Variants in DSTN observed in about 807,000 individuals in gnomAD.
The protein encoded by DSTN is destrin, actin depolymerizing factor, also known as destrin.
DSTN carries 10 observed loss-of-function variants against 16.8 expected under a neutral mutation model. The observed-to-expected ratio is 0.60, with a 90% CI of 0.37 to 1.01. DSTN has a LOEUF of 1.01. Ranked by LOEUF, DSTN falls within the 50% of genes least tolerant of loss-of-function variation. The pLI, the probability that DSTN is intolerant of heterozygous loss-of-function variation, is 0.01. For synonymous variants in DSTN, 57 were observed against 58.9 expected (o/e 0.97, Z 0.14); for missense variants, 141 against 196.7 (o/e 0.72, Z 1.69).
intron 1 of DSTN, among the ~76,000 whole-genome samples, chr20:17,580,681 G>A (rs1240220254): frequency 1.3e-5 from 2 of 152,008 alleles, no homozygotes; most frequent in Non-Finnish European, 2.9e-5. Context: ...CCGGGAGGCG[G>A]AGGTTGCAGT....
chr20:17,598,450 C>G (rs920996694), intron 1 of DSTN, among the ~76,000 whole-genome samples: 1 of 152,118 alleles, frequency 6.6e-6, no homozygotes, highest in African/African-American at 2.4e-5. Context: ...ATTTGCTTTT[C>G]CCTAATCACT....
intron 1 of DSTN, among the ~76,000 whole-genome samples, chr20:17,592,686 A>G (rs2035482750): frequency 6.6e-6 from 1 of 152,138 alleles, no homozygotes; most frequent in African/African-American, 2.4e-5. Flanking sequence ...TACTACTCTA[A>G]TATCAAAGCC....
At chr20:17,593,915 C>CAA (rs34372890) in intron 1 of DSTN, among the ~76,000 whole-genome samples, 1 of 150,980 alleles carries the variant, frequency 6.6e-6, no homozygotes. Flanking sequence ...CTTGTCTCTA[C>CAA]AAAAAAAATT....
intron 2 of DSTN, among the ~76,000 whole-genome samples, chr20:17,603,586 G>T (rs1021427786): frequency 6.6e-6 from 1 of 152,132 alleles, no homozygotes; most frequent in Non-Finnish European, 1.5e-5. Flanking sequence ...GGACCTCCGT[G>T]CAAGCAGTCT....
Position 17,584,966 on chromosome 20 carries a change from T to G in DSTN, c.3+14755T>G, listed in dbSNP as rs6136138. Among the ~76,000 whole-genome samples, 885 of 152,360 alleles carry G rather than the reference T, an allele frequency of 5.8e-3. 23 individuals carry two copies. In the East Asian group the frequency reaches 0.08, roughly 14 times the overall value. On this transcript the variant is annotated intron_variant, in intron 1 of 3. Coordinates refer to ENST00000246069, the MANE Select transcript of DSTN (RefSeq NM_006870.4). ...TTTGCAGTTCTCCTGTTTTTATTTCTTTGGGCTGTCTGTTTTTTTAGTATT... is the reference window on the plus strand; with the variant it reads ...TTTGCAGTTCTCCTGTTTTTATTTCGTTGGGCTGTCTGTTTTTTTAGTATT...
chr20:17,577,541 T>C (rs1416388030), intron 1 of DSTN, among the ~76,000 whole-genome samples: 1 of 148,630 alleles, frequency 6.7e-6, no homozygotes, highest in Non-Finnish European at 1.5e-5. Context: ...CACTCCAGCC[T>C]GGGCAACAAA....
chr20:17,572,821 A>G (rs968577518), intron 1 of DSTN, among the ~76,000 whole-genome samples: 4 of 152,240 alleles, frequency 2.6e-5, no homozygotes, highest in South Asian at 2.1e-4. Flanking sequence ...AAGTACACAG[A>G]ATAACAGATC....
Position 17,607,487 on chromosome 20 carries a change from G to A in DSTN, c.*341G>A, listed in dbSNP as rs531506476. 1.0e-5 allele frequency: 2 copies of A among 192,746 alleles called. No homozygotes were observed. The highest frequency in any genetic ancestry group is 1.3e-4 in the East Asian group (1 of 7,666). 11.9% of individuals were successfully genotyped at this position (192,746 alleles called of 1,614,324 possible). On this transcript the variant is annotated 3_prime_UTR_variant, in exon 4 of 4. Transcript: ENST00000246069. ...CTTTATTAACCTCAGCATTTACTTT[G>A]TTTCTTTTGCTTAGGAAATTGCTCA...
At chr20:17,578,721 G>A (rs896134244) in intron 1 of DSTN, among the ~76,000 whole-genome samples, 6 of 152,200 alleles carry the variant, frequency 3.9e-5, no homozygotes, top group African/African-American at 1.4e-4. Flanking sequence ...AGCACTTCGG[G>A]AGGCCAAGGT....
At chr20:17,601,962 A>G (rs2035591864) in intron 2 of DSTN, among the ~76,000 whole-genome samples, 2 of 150,012 alleles carry the variant, frequency 1.3e-5, no homozygotes, top group African/African-American at 4.9e-5. Flanking sequence ...TTAGAGGGGC[A>G]AGGATTCTCT....
At position 17,600,966 on chromosome 20, in the gene DSTN, A is replaced by G. The variant is rs1403543443; in HGVS notation, c.232A>G (p.Lys78Glu). 3.7e-6 allele frequency: 6 copies of G among 1,613,962 alleles called. No individual in the cohort carries two copies. Among genetic ancestry groups the G allele is most frequent in the South Asian group, 2.2e-5 (2 of 91,068 alleles). ...FKHFVGMLPEKDCRYALYDAS... is the reference protein window; with the variant it reads ...FKHFVGMLPEEDCRYALYDAS... ...GCATTTTGTGGGAATGCTTCCTGAA[A>G]AAGATTGTCGCTATGCTTTGTATGA... The change falls in exon 2 of 4, where the codon AAA becomes GAA. Residue 78 changes from lysine (K) to glutamate (E), a missense_variant. Lys to Glu is a moderately conservative substitution (Grantham distance 56). Coordinates refer to ENST00000246069, the MANE Select transcript of DSTN (RefSeq NM_006870.4).
chr20:17,573,523 ATTAC>A (rs2035231578), intron 1 of DSTN, among the ~76,000 whole-genome samples: 1 of 152,112 alleles, frequency 6.6e-6, no homozygotes, highest in Non-Finnish European at 1.5e-5. Context: ...ATTGCTATAT[ATTAC>A]TTCTCTAGCC....
chr20:17,582,039 A>G (rs1178899862), intron 1 of DSTN, among the ~76,000 whole-genome samples: 2 of 151,742 alleles, frequency 1.3e-5, no homozygotes, highest in African/African-American at 2.4e-5. Context: ...GAGATTCAAT[A>G]ATATACAAGA....
chr20:17,574,616 C>T (rs2035246978), intron 1 of DSTN, among the ~76,000 whole-genome samples: 1 of 150,762 alleles, frequency 6.6e-6, no homozygotes, highest in Non-Finnish European at 1.5e-5. Flanking sequence ...ATCCCAGCTA[C>T]TCAGGAGGCT....
chr20:17,604,272 T>C (rs1208458814), intron 2 of DSTN, among the ~76,000 whole-genome samples: 1 of 152,228 alleles, frequency 6.6e-6, no homozygotes, highest in African/African-American at 2.4e-5. Flanking sequence ...GGTTCTTTCA[T>C]TATGGCGACT....
At position 17,609,558 on chromosome 20, in the gene DSTN, C is replaced by T. The variant is rs2035677149; in HGVS notation, c.*2412C>T. The T allele has an allele frequency of 6.6e-6, 1 of 152,222 alleles. No individual in the cohort carries two copies. The highest frequency in any genetic ancestry group is 2.1e-4 in the South Asian group (1 of 4,832). 9.4% of individuals were successfully genotyped at this position (152,222 alleles called of 1,614,324 possible). On this transcript the variant is annotated 3_prime_UTR_variant, in exon 4 of 4. Transcript: ENST00000246069. ...TGTCTTCTGTGGGAAGGATTTCAAA[C>T]AGTACAAAGGGATGTGATGTAAGCA...
At chr20:17,587,270 C>A (rs963766276) in intron 1 of DSTN, among the ~76,000 whole-genome samples, 3 of 151,250 alleles carry the variant, frequency 2.0e-5, no homozygotes, top group African/African-American at 7.3e-5. Flanking sequence ...AAAGTCAAGT[C>A]CTTATTATTT....
chr20:17,591,099 C>T (rs1348626315), intron 1 of DSTN, among the ~76,000 whole-genome samples: 1 of 152,188 alleles, frequency 6.6e-6, no homozygotes. Flanking sequence ...CAGAGCAAGA[C>T]CCTGTCCCCC....
At chr20:17,583,811 A>G (rs1470927637) in intron 1 of DSTN, among the ~76,000 whole-genome samples, 1 of 137,830 alleles carries the variant, frequency 7.3e-6, no homozygotes, top group East Asian at 2.2e-4. Context: ...AGCATAGCTC[A>G]CTGCAGCCTC....
Sources: gnomAD v4.1 joint callset for allele counts (sites outside exome capture counted in the v4.1 genomes callset) on GRCh38, gnomAD v4.1.1 for gene constraint, MANE v1.5 for transcripts, NCBI Gene and HGNC (gene_info 2026-07-23, HGNC 2026-07-21) for gene names.